ALG8: variants seen among roughly 807,000 people sequenced by gnomAD.
The protein encoded by ALG8 is ALG8 alpha-1,3-glucosyltransferase.
ALG8 carries 48 observed loss-of-function variants against 70.2 expected under a neutral mutation model. That is an observed-to-expected ratio of 0.68 (90% confidence interval 0.54 to 0.87). The LOEUF is 0.87. Ranked by LOEUF, ALG8 falls within the 40% of genes least tolerant of loss-of-function variation. The pLI is 0.00. For missense variants in ALG8, 572 were observed against 608.7 expected, an observed-to-expected ratio of 0.94 and a Z score of 0.64; for synonymous variants, 234 against 229.0, an observed-to-expected ratio of 1.02 and a Z score of -0.20.
intron 1 of ALG8, among the ~76,000 whole-genome samples, chr11:78,136,780 ATTG>A (rs948079540): frequency 1.3e-5 from 2 of 152,066 alleles, no homozygotes; most frequent in Non-Finnish European, 2.9e-5. Context: ...TTGAAAACCT[ATTG>A]TTTAGTGTAG....
intron 2 of ALG8, among the ~76,000 whole-genome samples, chr11:78,126,523 A>C (rs531852929): frequency 8.0e-6 from 1 of 124,652 alleles, no homozygotes; most frequent in East Asian, 2.3e-4. Context: ...CAAGAGCGAG[A>C]CTCTGTCTCA....
At chr11:78,126,348 T>C (rs1233432755) in intron 2 of ALG8, among the ~76,000 whole-genome samples, 1 of 151,156 alleles carries the variant, frequency 6.6e-6, no homozygotes, top group Non-Finnish European at 1.5e-5. Context: ...CTGGCCAACA[T>C]GGGGAAACCC....
chr11:78,111,935 G>C (rs1860307588), intron 8 of ALG8, among the ~76,000 whole-genome samples: 2 of 152,108 alleles, frequency 1.3e-5, no homozygotes, highest in Non-Finnish European at 2.9e-5. Context: ...TTAATACCGA[G>C]AGTCACAACT....
In ALG8 at chr11:78,114,369, A is replaced by T. The variant is rs763785301; in HGVS notation, c.570T>A (p.Phe190Leu). The stretch of plus-strand genomic sequence containing the variant: ...TGAAATGTAGGAGAACAGCAAAGAG[A>T]AATGCTCCTTCCATATGCCTTTTCT... Reference protein sequence around the residue: ...LFQKRHMEGAFLFAVLLHFKH... With the variant: ...LFQKRHMEGALLFAVLLHFKH... The change falls in exon 6 of 13, where the codon TTT becomes TTA. Residue 190 changes from phenylalanine (F) to leucine (L), a missense_variant. Coordinates refer to ENST00000299626, the MANE Select transcript of ALG8 (RefSeq NM_024079.5). The T allele has an allele frequency of 6.2e-7, 1 of 1,614,106 alleles. No individual in the cohort carries two copies. Among genetic ancestry groups the T allele is most frequent in the Non-Finnish European group, 8.5e-7 (1 of 1,179,996 alleles).
intron 1 of ALG8, among the ~76,000 whole-genome samples, chr11:78,136,935 CTT>C (rs1861582258): frequency 6.6e-6 from 1 of 150,402 alleles, no homozygotes. Flanking sequence ...GAGTTTCACT[CTT>C]GTTGCCCAGG....
intron 5 of ALG8, among the ~76,000 whole-genome samples, 160 bp downstream of exon 5, chr11:78,119,022 G>A (rs180719964): frequency 1.3e-5 from 2 of 152,300 alleles, no homozygotes; most frequent in Non-Finnish European, 2.9e-5. Flanking sequence ...ATGGTCAAAA[G>A]AGAAGATGGA....
chr11:78,102,358 C>G lies in ALG8; in HGVS notation c.1350-1163G>C, dbSNP rs1482707022. Among the ~76,000 whole-genome samples, 3 of 152,162 alleles carry G rather than the reference C, an allele frequency of 2.0e-5. No individual in the cohort carries two copies. The East Asian group carries it at 5.8e-4, about 29-fold the overall frequency. On this transcript the variant is annotated intron_variant, in intron 12 of 12. Coordinates refer to ENST00000299626, the MANE Select transcript of ALG8 (RefSeq NM_024079.5). ...TCGTTTCTTTCACTTAGCATGTTTT[C>G]AAGATTCATTCATGTAGCATGTATT...
intron 12 of ALG8, among the ~76,000 whole-genome samples, chr11:78,102,053 A>G (rs1312728187): frequency 6.6e-6 from 1 of 152,166 alleles, no homozygotes; most frequent in Non-Finnish European, 1.5e-5. Context: ...GATTTTTAAA[A>G]TATTTTTTAT....
intron 5 of ALG8, among the ~76,000 whole-genome samples, chr11:78,117,541 AGTGGGAGGATCACTT>A (rs1860629903): frequency 6.7e-6 from 1 of 149,548 alleles, no homozygotes; most frequent in African/African-American, 2.5e-5. Context: ...GGGAGGCCAG[AGTGGGAGGATCACTT>A]GTGGTCAGGA....
Position 78,114,405 on chromosome 11 carries a change from A to T in ALG8, c.547-13T>A, listed in dbSNP as rs368332423. On this transcript the variant is annotated splice_polypyrimidine_tract_variant and intron_variant, in intron 5 of 12. Transcript: ENST00000299626. ...CCATATGCCTTTTCTAGGAGATTTA[A>T]AAGGGAAATATCACTTTAAAATTCA... The T allele has an allele frequency of 6.2e-7, 1 of 1,613,616 alleles. No individual in the cohort carries two copies. Among genetic ancestry groups the T allele is most frequent in the Non-Finnish European group, 8.5e-7 (1 of 1,179,838 alleles).
At chr11:78,112,411 C>G in intron 8 of ALG8, 1 of 466,108 alleles carries the variant, frequency 2.1e-6, no homozygotes, top group East Asian at 4.5e-5. Context: ...TTATTTTTTC[C>G]CCAGGAAAGG....
intron 10 of ALG8, 196 bp from the exon 11 acceptor site, chr11:78,104,649 G>T: frequency 1.9e-6 from 1 of 534,846 alleles, no homozygotes; most frequent in Admixed American, 3.1e-5. Flanking sequence ...GTATCAAACT[G>T]AATCAGGGGT....
At chr11:78,128,642 C>T (rs1477960283) in intron 1 of ALG8, among the ~76,000 whole-genome samples, 13 of 145,126 alleles carry the variant, frequency 9.0e-5, no homozygotes, top group East Asian at 8.2e-4. Context: ...GACGGAGTCT[C>T]GCTCTGTTGC....
At chr11:78,132,626 T>G (rs1195616568) in intron 1 of ALG8, among the ~76,000 whole-genome samples, 1 of 152,054 alleles carries the variant, frequency 6.6e-6, no homozygotes, top group Non-Finnish European at 1.5e-5. Flanking sequence ...GGTCAATACT[T>G]TCACACCACA....
intron 5 of ALG8, among the ~76,000 whole-genome samples, chr11:78,115,923 T>C (rs1293597381): frequency 6.6e-6 from 1 of 152,168 alleles, no homozygotes. Context: ...AACAAATATA[T>C]AGGATGCTAT....
chr11:78,116,111 G>A (rs1860550477), intron 5 of ALG8, among the ~76,000 whole-genome samples: 2 of 152,196 alleles, frequency 1.3e-5, no homozygotes, highest in African/African-American at 2.4e-5. Flanking sequence ...TATAATCCCA[G>A]CACTTTGGGA....
In ALG8 at chr11:78,119,286, A is replaced by G. The variant is rs757252497; in HGVS notation, c.479-37T>C. 5 of 1,445,654 alleles carry G rather than the reference A, an allele frequency of 3.5e-6. No individual in the cohort carries two copies. In the South Asian group the frequency reaches 5.7e-5, roughly 17 times the overall value. The allele number at this position is 1,445,654 out of a possible 1,614,324, so 89.6% of individuals were successfully genotyped here. A position where few individuals can be genotyped will look rare whatever the true frequency, so the allele number is the denominator to read the frequency against. The stretch of plus-strand genomic sequence containing the variant: ...TCAAGGAAAGACAACAGAGGACACC[A>G]AATTCATAATGAACTATACCAGCTG... On this transcript the variant is annotated intron_variant, in intron 4 of 12. Transcript: ENST00000299626.
At chr11:78,127,128 A>G (rs984155557) in intron 2 of ALG8, among the ~76,000 whole-genome samples, 2 of 151,832 alleles carry the variant, frequency 1.3e-5, no homozygotes, top group Non-Finnish European at 2.9e-5. Flanking sequence ...ACAGGTGCCC[A>G]CCACCACACC....
intron 7 of ALG8, among the ~76,000 whole-genome samples, chr11:78,113,103 A>G (rs1183803541): frequency 6.6e-6 from 1 of 152,218 alleles, no homozygotes; most frequent in Non-Finnish European, 1.5e-5. Context: ...GGGAAACTAC[A>G]AAAGATGTGA....
Sources: allele counts gnomAD v4.1 joint callset (sites outside exome capture counted in the v4.1 genomes callset), GRCh38; gene constraint gnomAD v4.1.1; transcripts MANE v1.5; gene names NCBI Gene and HGNC (gene_info 2026-07-23, HGNC 2026-07-21).